UBE2J1: variants seen among roughly 807,000 people sequenced by gnomAD.
UBE2J1 encodes the protein ubiquitin-conjugating enzyme E2 J1.
Under a neutral mutation model 42.1 loss-of-function variants are expected in UBE2J1, and 17 were observed. That is an observed-to-expected ratio of 0.40 (90% CI 0.28 to 0.61). UBE2J1 has a LOEUF of 0.61. UBE2J1 is among the 20% of genes least tolerant of loss of function. UBE2J1 has a pLI of 0.38. For synonymous variants in UBE2J1, 127 were observed against 137.2 expected (o/e 0.93, Z 0.52); for missense variants, 291 against 389.4 (o/e 0.75, Z 2.13).
At chr6:89,350,820 C>T (rs1399102741) in intron 1 of UBE2J1, among the ~76,000 whole-genome samples, 1 of 152,094 alleles carries the variant, frequency 6.6e-6, no homozygotes, top group African/African-American at 2.4e-5. Flanking sequence ...TTGGGTTCCA[C>T]CAGTTCTCCA....
At chr6:89,338,167 C>T (rs200501664) in intron 5 of UBE2J1, 38 bp downstream of exon 5, 1 of 1,453,786 alleles carries the variant, frequency 6.9e-7, no homozygotes, top group East Asian at 2.3e-5. Flanking sequence ...ACCCTGAATA[C>T]TATTCAGACC....
At position 89,343,712 on chromosome 6, in the gene UBE2J1, T is replaced by C. The variant is rs777540370; in HGVS notation, c.76A>G (p.Thr26Ala). ...MKEAAELKDP[T>A]DHYHAQPLED... Reference sequence around the variant, plus strand: ...AAAGGCTGCGCATGGTAATGATCTGTTGGATCTTTCAATTCTGCCGCTTCT... The same window carrying C: ...AAAGGCTGCGCATGGTAATGATCTGCTGGATCTTTCAATTCTGCCGCTTCT... The change falls in exon 2 of 8, where the codon ACA becomes GCA. Residue 26 changes from threonine (T) to alanine (A), a missense_variant. By Grantham distance (58) the Thr-to-Ala change is moderately conservative (BLOSUM62 0). This residue lies in a region of UBE2J1 where 115 missense variants were observed against 193.1 expected (regional missense o/e 0.60). Transcript: ENST00000435041. The C allele has an allele frequency of 1.2e-6, 2 of 1,610,412 alleles. No homozygotes were observed. The highest frequency in any genetic ancestry group is 1.7e-6 in the Non-Finnish European group (2 of 1,178,426).
intron 1 of UBE2J1, among the ~76,000 whole-genome samples, chr6:89,348,541 T>C (rs1768406047): frequency 6.6e-6 from 1 of 152,166 alleles, no homozygotes; most frequent in African/African-American, 2.4e-5. Flanking sequence ...CCTGCTCCCA[T>C]AATGAAGGTA....
intron 3 of UBE2J1, among the ~76,000 whole-genome samples, chr6:89,340,661 C>T (rs1768226850): frequency 6.6e-6 from 1 of 152,184 alleles, no homozygotes; most frequent in African/African-American, 2.4e-5. Context: ...GAAAGAGCAC[C>T]AGTCAGAATC....
intron 1 of UBE2J1, among the ~76,000 whole-genome samples, chr6:89,349,676 G>A (rs1768430131): frequency 6.6e-6 from 1 of 152,102 alleles, no homozygotes; most frequent in African/African-American, 2.4e-5. Flanking sequence ...GTCACCATAA[G>A]TTCTGTGTAT....
At chr6:89,333,245 A>C (rs1238162543) in intron 6 of UBE2J1, 40 bp from the exon 7 acceptor site, 1 of 1,570,686 alleles carries the variant, frequency 6.4e-7, no homozygotes, top group Non-Finnish European at 8.6e-7. Flanking sequence ...TGACAACAGG[A>C]AACAACAGGA....
intron 3 of UBE2J1, among the ~76,000 whole-genome samples, chr6:89,338,833 T>A (rs1354170534): frequency 2.6e-5 from 4 of 151,922 alleles, no homozygotes; most frequent in Admixed American, 6.5e-5. Flanking sequence ...GCCTGGCTAA[T>A]GTTTTGTATT....
At chr6:89,330,044 G>A in intron 7 of UBE2J1, 87 bp from the exon 8 acceptor site, 1 of 1,333,720 alleles carries the variant, frequency 7.5e-7, no homozygotes, top group South Asian at 1.2e-5. Flanking sequence ...CACAATCTCA[G>A]AGGACAACAT....
intron 1 of UBE2J1, among the ~76,000 whole-genome samples, chr6:89,345,714 C>T (rs1768350341): frequency 6.6e-6 from 1 of 152,040 alleles, no homozygotes; most frequent in Admixed American, 6.6e-5. Context: ...TTGAAACCAG[C>T]CTGACCAGCA....
chr6:89,344,186 C>T (rs949074852), intron 1 of UBE2J1, among the ~76,000 whole-genome samples: 1 of 144,430 alleles, frequency 6.9e-6, no homozygotes, highest in South Asian at 2.1e-4. Flanking sequence ...GATGGGATTC[C>T]AACACAGGCA....
Position 89,328,640 on chromosome 6 carries a change from T to G in UBE2J1, c.*1039A>C, listed in dbSNP as rs1314900687. 1 of 152,214 alleles carries G rather than the reference T, an allele frequency of 6.6e-6. No homozygotes were observed. Among genetic ancestry groups the G allele is most frequent in the East Asian group, 1.9e-4 (1 of 5,204 alleles). 9.4% of individuals were successfully genotyped at this position (152,214 alleles called of 1,614,324 possible). A position where few individuals can be genotyped will look rare whatever the true frequency, so the allele number is the denominator to read the frequency against. On this transcript the variant is annotated 3_prime_UTR_variant, in exon 8 of 8. Coordinates refer to ENST00000435041, the MANE Select transcript of UBE2J1 (RefSeq NM_016021.3). The stretch of plus-strand genomic sequence containing the variant: ...TAGAGTCTGTGGCGCTAGCTAGCAC[T>G]AAGTTATATATTGATTTTTCCACTG...
intron 5 of UBE2J1, among the ~76,000 whole-genome samples, chr6:89,337,798 A>G (rs1372428119): frequency 1.3e-5 from 2 of 152,200 alleles, no homozygotes; most frequent in African/African-American, 4.8e-5. Context: ...TATGAGCTAG[A>G]TGCAAAGATG....
chr6:89,334,280 G>T lies in UBE2J1; in HGVS notation c.558+1022C>A, dbSNP rs578090327. Among the ~76,000 whole-genome samples, 10 of 152,106 alleles carry T rather than the reference G, an allele frequency of 6.6e-5. No individual in the cohort carries two copies. In the South Asian group the frequency reaches 1.7e-3, roughly 25 times the overall value. Reference sequence around the variant, plus strand: ...GGCCTCCCAAAGTGCTGGGATTACAGGCGTGAGCCACTGCGCCCAGCTAAT... The same window carrying T: ...GGCCTCCCAAAGTGCTGGGATTACATGCGTGAGCCACTGCGCCCAGCTAAT... On this transcript the variant is annotated intron_variant, in intron 6 of 7. Transcript: ENST00000435041.
chr6:89,335,202 G>T, intron 6 of UBE2J1, 100 bp downstream of exon 6: 1 of 1,120,438 alleles, frequency 8.9e-7, no homozygotes, highest in Non-Finnish European at 1.2e-6. Context: ...ATTGGCAAAT[G>T]TCATATTGTA....
intron 1 of UBE2J1, among the ~76,000 whole-genome samples, chr6:89,347,163 G>C (rs147793184): frequency 1.3e-5 from 2 of 152,266 alleles, no homozygotes; most frequent in African/African-American, 4.8e-5. Flanking sequence ...AGGGCCTGCG[G>C]ACTATCTACT....
chr6:89,352,408 G>T, intron 1 of UBE2J1, 131 bp downstream of exon 1: 2 of 1,034,478 alleles, frequency 1.9e-6, no homozygotes, highest in Non-Finnish European at 2.7e-6. Context: ...GGCAGGCGGC[G>T]GTCTCGCGTA....
intron 3 of UBE2J1, among the ~76,000 whole-genome samples, chr6:89,341,403 TGA>T (rs1245176121): frequency 6.6e-6 from 1 of 152,160 alleles, no homozygotes; most frequent in Non-Finnish European, 1.5e-5. Context: ...TTAAAGGAAA[TGA>T]GAGAAGAAAA....
chr6:89,345,455 AG>A (rs1407155335), intron 1 of UBE2J1, among the ~76,000 whole-genome samples: 1 of 151,654 alleles, frequency 6.6e-6, no homozygotes, highest in Non-Finnish European at 1.5e-5. Context: ...TACAAAAATT[AG>A]CCAGGCATGG....
At chr6:89,351,441 A>T (rs1451725674) in intron 1 of UBE2J1, among the ~76,000 whole-genome samples, 1 of 152,010 alleles carries the variant, frequency 6.6e-6, no homozygotes, top group African/African-American at 2.4e-5. Context: ...ACCTAAGGAC[A>T]TTTCTTAGCC....
Sources: allele counts gnomAD v4.1 joint callset (sites outside exome capture counted in the v4.1 genomes callset), GRCh38; gene constraint gnomAD v4.1.1; regional missense constraint gnomAD v4.1.1; transcripts MANE v1.5; gene names NCBI Gene and HGNC (gene_info 2026-07-23, HGNC 2026-07-21).